LARGE1: variants seen among roughly 807,000 people sequenced by gnomAD.
LARGE1 encodes the protein xylosyl- and glucuronyltransferase LARGE1.
Under a neutral mutation model 87.6 loss-of-function variants are expected in LARGE1, and 43 were observed. The ratio of observed to expected loss-of-function variants is 0.49; its 90% confidence interval spans 0.38 to 0.63. LARGE1 has a LOEUF of 0.63. Among genes scored for constraint, LARGE1 ranks in the 30% least tolerant of loss-of-function variants. The pLI is 0.00. For synonymous variants in LARGE1, 434 were observed against 394.6 expected (o/e 1.10, Z -1.18); for missense variants, 802 against 1,000.2 (o/e 0.80, Z 2.67).
the LARGE1 span, among the ~76,000 whole-genome samples, chr22:33,116,610 G>A: frequency 1.3e-3 from 191 of 151,882 alleles, no homozygotes; most frequent in African/African-American, 4.4e-3. Flanking sequence ...TGATCCGCCC[G>A]CCTCGGCCTC....
chr22:33,093,529 T>C, the LARGE1 span, among the ~76,000 whole-genome samples: 1 of 152,140 alleles, frequency 6.6e-6, no homozygotes, highest in Non-Finnish European at 1.5e-5. Context: ...GAGACAGAAA[T>C]TATCTTGTAA....
chr22:33,434,807 C>T (rs1044381513), intron 6 of LARGE1, among the ~76,000 whole-genome samples: 3 of 152,196 alleles, frequency 2.0e-5, no homozygotes, highest in Non-Finnish European at 4.4e-5. Context: ...CTACCTTGCT[C>T]ATATAGCTCT....
chr22:33,809,243 G>A (rs1450500826), intron 1 of LARGE1, among the ~76,000 whole-genome samples: 4 of 148,784 alleles, frequency 2.7e-5, no homozygotes, highest in Non-Finnish European at 5.9e-5. Context: ...CTGCACACCA[G>A]CCTGGTGACA....
chr22:33,701,225 T>C (rs2082396940), intron 2 of LARGE1, among the ~76,000 whole-genome samples: 1 of 152,048 alleles, frequency 6.6e-6, no homozygotes, highest in Non-Finnish European at 1.5e-5. Context: ...GGATACATGA[T>C]TGGATGGGTC....
At chr22:33,652,830 T>C (rs879512684) in intron 2 of LARGE1, among the ~76,000 whole-genome samples, 7 of 152,200 alleles carry the variant, frequency 4.6e-5, no homozygotes, top group African/African-American at 9.6e-5. Context: ...TCATTTTTTT[T>C]CCTCTTAATC....
the LARGE1 span, among the ~76,000 whole-genome samples, chr22:33,115,815 C>CAAAA: frequency 0.014 from 1,341 of 97,892 alleles, 38 homozygotes; most frequent in African/African-American, 0.055. Flanking sequence ...GACTCTGTCT[C>CAAAA]AAAAAAAAAA....
chr22:33,873,734 C>T (rs1371469930), intron 1 of LARGE1, among the ~76,000 whole-genome samples: 1 of 151,986 alleles, frequency 6.6e-6, no homozygotes, highest in Non-Finnish European at 1.5e-5. Flanking sequence ...TCTTTACCCT[C>T]CCACTGTCTG....
At chr22:33,075,860 G>A in the LARGE1 span, among the ~76,000 whole-genome samples, 1 of 152,028 alleles carries the variant, frequency 6.6e-6, no homozygotes. Flanking sequence ...TGAGCTCTGG[G>A]GACTATCCAC....
intron 6 of LARGE1, among the ~76,000 whole-genome samples, chr22:33,561,190 T>C (rs1206672354): frequency 1.3e-5 from 2 of 152,198 alleles, no homozygotes; most frequent in East Asian, 3.9e-4. Flanking sequence ...TAGCTTTCCC[T>C]CTGTTTTACA....
intron 11 of LARGE1, among the ~76,000 whole-genome samples, chr22:33,252,472 T>C (rs762228482): frequency 6.6e-6 from 1 of 152,204 alleles, no homozygotes; most frequent in Non-Finnish European, 1.5e-5. Flanking sequence ...TCCCGGGAAT[T>C]TGAATTCATT....
intron 4 of LARGE1, 71 bp downstream of exon 4, chr22:33,626,172 AC>A: frequency 7.3e-7 from 1 of 1,376,650 alleles, no homozygotes; most frequent in Non-Finnish European, 1.0e-6. Context: ...CTCCTATTTA[AC>A]CCTTCCCCAA....
chr22:33,615,642 A>G (rs1462623931), intron 4 of LARGE1, among the ~76,000 whole-genome samples: 2 of 148,780 alleles, frequency 1.3e-5, no homozygotes, highest in Admixed American at 1.4e-4. Context: ...CTTCAGAACC[A>G]TATGAAATAA....
intron 11 of LARGE1, among the ~76,000 whole-genome samples, chr22:33,244,669 T>A (rs891677677): frequency 1.3e-5 from 2 of 152,232 alleles, no homozygotes; most frequent in African/African-American, 4.8e-5. Context: ...AACTATGCCA[T>A]CTGTCATCAT....
At chr22:33,279,476 A>G (rs1262054839) in intron 13 of LARGE1, among the ~76,000 whole-genome samples, 2 of 152,132 alleles carry the variant, frequency 1.3e-5, no homozygotes, top group African/African-American at 2.4e-5. Context: ...TTGCTTTTCT[A>G]CCACTGAGGC....
intron 6 of LARGE1, among the ~76,000 whole-genome samples, chr22:33,544,464 A>T (rs1213865413): frequency 6.6e-6 from 1 of 152,180 alleles, no homozygotes; most frequent in African/African-American, 2.4e-5. Context: ...AGGCGGGCAG[A>T]TCCCCTGAGG....
intron 2 of LARGE1, among the ~76,000 whole-genome samples, chr22:33,752,900 T>C (rs1391160183): frequency 6.6e-6 from 1 of 152,212 alleles, no homozygotes; most frequent in Non-Finnish European, 1.5e-5. Context: ...GGTTGTTATC[T>C]TGGATTTTCT....
At chr22:33,255,036 C>G (rs1204834327) in intron 11 of LARGE1, among the ~76,000 whole-genome samples, 1 of 150,544 alleles carries the variant, frequency 6.6e-6, no homozygotes, top group Non-Finnish European at 1.5e-5. Flanking sequence ...CCCCCAGGTT[C>G]AAGCAATTCT....
At chr22:33,689,902 G>A (rs1397044006) in intron 2 of LARGE1, among the ~76,000 whole-genome samples, 1 of 152,040 alleles carries the variant, frequency 6.6e-6, no homozygotes, top group Non-Finnish European at 1.5e-5. Flanking sequence ...ACTCCAGCCT[G>A]GGTGACAGGG....
chr22:33,711,078 G>A (rs1425460064), intron 2 of LARGE1, among the ~76,000 whole-genome samples: 1 of 152,148 alleles, frequency 6.6e-6, no homozygotes, highest in Non-Finnish European at 1.5e-5. Context: ...AGGGCCAAGT[G>A]TTATAGGAGC....
Sources: allele counts gnomAD v4.1 joint callset (sites outside exome capture counted in the v4.1 genomes callset), GRCh38; gene constraint gnomAD v4.1.1; transcripts MANE v1.5; gene names NCBI Gene and HGNC (gene_info 2026-07-23, HGNC 2026-07-21).